The following SLCO4C1 variants were observed in gnomAD, a reference collection of about 807,000 sequenced individuals.
SLCO4C1 encodes the protein solute carrier organic anion transporter family member 4C1.
A neutral mutation model predicts 72.1 loss-of-function variants in SLCO4C1; 58 were observed. That is an observed-to-expected ratio of 0.80 (90% CI 0.65 to 1.00). The LOEUF is 1.00. SLCO4C1 is among the 50% of genes least tolerant of loss of function. SLCO4C1 has a pLI of 0.00. For missense variants in SLCO4C1, 898 were observed against 857.9 expected, an observed-to-expected ratio of 1.05 and a Z score of -0.58; for synonymous variants, 297 against 312.5, an observed-to-expected ratio of 0.95 and a Z score of 0.52.
intron 10 of SLCO4C1, 146 bp downstream of exon 10, chr5:102,247,106 G>A (rs2112342400): frequency 4.1e-6 from 2 of 485,836 alleles, no homozygotes; most frequent in Non-Finnish European, 6.9e-6. Context: ...AGAGGAGCTT[G>A]TCCAATGCCA....
intron 3 of SLCO4C1, among the ~76,000 whole-genome samples, chr5:102,265,752 C>T (rs769815868): frequency 9.9e-5 from 15 of 152,056 alleles, no homozygotes; most frequent in Admixed American, 1.3e-4. Flanking sequence ...GTGATGCTTT[C>T]GGTTTTGTTC....
At chr5:102,263,550 T>C (rs745979908) in intron 4 of SLCO4C1, 134 bp downstream of exon 4, 51 of 621,016 alleles carry the variant, frequency 8.2e-5, no homozygotes, top group Non-Finnish European at 1.2e-4. Flanking sequence ...TAAGAATTCT[T>C]TGTATTCAAT....
At chr5:102,290,707 G>T (rs545253684) in intron 2 of SLCO4C1, among the ~76,000 whole-genome samples, 2 of 152,116 alleles carry the variant, frequency 1.3e-5, no homozygotes, top group East Asian at 3.8e-4. Flanking sequence ...ACATTAAAAT[G>T]TTAAGGTCTA....
intron 2 of SLCO4C1, among the ~76,000 whole-genome samples, chr5:102,278,630 A>C (rs574930821): frequency 6.6e-6 from 1 of 152,214 alleles, no homozygotes; most frequent in African/African-American, 2.4e-5. Context: ...CAAATCCTAC[A>C]TAGTATGTTT....
intron 3 of SLCO4C1, among the ~76,000 whole-genome samples, chr5:102,269,321 A>G (rs1341444922): frequency 6.6e-6 from 1 of 150,836 alleles, no homozygotes; most frequent in African/African-American, 2.4e-5. Context: ...TGTATACTTA[A>G]TAGTGCCCAT....
At position 102,236,756 on chromosome 5, in the gene SLCO4C1, T is replaced by C. The variant is rs533380608; in HGVS notation, c.*102A>G. 1.6e-6 allele frequency: 2 copies of C among 1,212,142 alleles called. No homozygotes were observed. 75.1% of individuals were successfully genotyped at this position (1,212,142 alleles called of 1,614,324 possible). On this transcript the variant is annotated 3_prime_UTR_variant, in exon 13 of 13. Coordinates refer to ENST00000310954, the MANE Select transcript of SLCO4C1 (RefSeq NM_180991.5). ...ATTATAAAAACATCAATTTTGTAAATATGATTGTCCATATTGGATAGATAA... is the reference window on the plus strand; with the variant it reads ...ATTATAAAAACATCAATTTTGTAAACATGATTGTCCATATTGGATAGATAA...
At position 102,290,117 on chromosome 5, in the gene SLCO4C1, C is replaced by T. The variant is rs185169241; in HGVS notation, c.619+1226G>A. Among the ~76,000 whole-genome samples, 28 of 152,314 alleles carry T rather than the reference C, an allele frequency of 1.8e-4. No individual in the cohort carries two copies. In the East Asian group the frequency reaches 3.3e-3, roughly 18 times the overall value. On this transcript the variant is annotated intron_variant, in intron 2 of 12. Transcript: ENST00000310954. The stretch of plus-strand genomic sequence containing the variant: ...TGCCAGCACCTGCTTCTAGTGAGGG[C>T]CTCTAGCTGCTTCCACTCAGGGCAG...
Position 102,257,855 on chromosome 5 carries a change from G to A in SLCO4C1, c.1273+88C>T, listed in dbSNP as rs1276297713. 3 of 1,214,502 alleles carry A rather than the reference G, an allele frequency of 2.5e-6. No individual in the cohort carries two copies. In the African/African-American group the frequency reaches 4.8e-5, roughly 19 times the overall value. 75.2% of individuals were successfully genotyped at this position (1,214,502 alleles called of 1,614,324 possible). A position where few individuals can be genotyped will look rare whatever the true frequency, so the allele number is the denominator to read the frequency against. Reference sequence around the variant, plus strand: ...GGCTGGTTTTAGTTTAAATTTCAAGGAGGGCTACCTCAAATTATACACTAT... The same window carrying A: ...GGCTGGTTTTAGTTTAAATTTCAAGAAGGGCTACCTCAAATTATACACTAT... On this transcript the variant is annotated intron_variant, in intron 7 of 12. Coordinates refer to ENST00000310954, the MANE Select transcript of SLCO4C1 (RefSeq NM_180991.5).
chr5:102,257,333 A>G, intron 7 of SLCO4C1, 23 bp from the exon 8 acceptor site: 3 of 1,556,742 alleles, frequency 1.9e-6, no homozygotes, highest in Non-Finnish European at 2.6e-6. Flanking sequence ...AAGAATGTAG[A>G]TTGTGAGAAA....
At chr5:102,284,116 TGAA>T (rs1749405940) in intron 2 of SLCO4C1, among the ~76,000 whole-genome samples, 1 of 151,944 alleles carries the variant, frequency 6.6e-6, no homozygotes, top group Non-Finnish European at 1.5e-5. Flanking sequence ...AAAAATATGA[TGAA>T]GAAGAGAGAG....
chr5:102,291,208 A>G (rs1168717892), intron 2 of SLCO4C1, 135 bp downstream of exon 2: 10 of 896,466 alleles, frequency 1.1e-5, no homozygotes, highest in African/African-American at 3.4e-5. Flanking sequence ...AGTTCACACA[A>G]TGAACAAACC....
At position 102,249,874 on chromosome 5, in the gene SLCO4C1, G is replaced by A. The variant is rs1262909955; in HGVS notation, c.1470-86C>T. ...GAAGCACTGTTATATCTTACCATTA[G>A]GTCATTTATTCACTCACTCAACACA... On this transcript the variant is annotated intron_variant, in intron 8 of 12. Transcript: ENST00000310954. 4 of 1,337,512 alleles carry A rather than the reference G, an allele frequency of 3.0e-6. No homozygotes were observed. In the African/African-American group the frequency reaches 4.4e-5, roughly 15 times the overall value. 82.9% of individuals were successfully genotyped at this position (1,337,512 alleles called of 1,614,324 possible).
intron 2 of SLCO4C1, among the ~76,000 whole-genome samples, chr5:102,274,989 T>C (rs539992867): frequency 2.6e-5 from 4 of 152,050 alleles, no homozygotes; most frequent in Admixed American, 6.6e-5. Context: ...TACAGAAAGA[T>C]GTCATAAGAA....
intron 3 of SLCO4C1, among the ~76,000 whole-genome samples, chr5:102,266,481 C>A (rs1018448146): frequency 1.3e-5 from 2 of 152,054 alleles, no homozygotes; most frequent in African/African-American, 4.8e-5. Context: ...GAAACCCTGT[C>A]TCTACTAAAA....
At chr5:102,255,710 A>G (rs1352066205) in intron 8 of SLCO4C1, among the ~76,000 whole-genome samples, 1 of 152,108 alleles carries the variant, frequency 6.6e-6, no homozygotes, top group Non-Finnish European at 1.5e-5. Flanking sequence ...CCATTTCACT[A>G]TTATGCTGTG....
intron 3 of SLCO4C1, among the ~76,000 whole-genome samples, chr5:102,264,991 T>C (rs1749010182): frequency 6.6e-6 from 1 of 152,050 alleles, no homozygotes; most frequent in Non-Finnish European, 1.5e-5. Context: ...AGTATCCTGT[T>C]GTATATACAT....
At chr5:102,254,960 A>G (rs1748807787) in intron 8 of SLCO4C1, among the ~76,000 whole-genome samples, 1 of 152,132 alleles carries the variant, frequency 6.6e-6, no homozygotes, top group African/African-American at 2.4e-5. Flanking sequence ...CCTGTTTGTA[A>G]TATACACATT....
chr5:102,239,121 G>T, intron 12 of SLCO4C1, 130 bp downstream of exon 12: 2 of 691,618 alleles, frequency 2.9e-6, no homozygotes, highest in Admixed American at 3.8e-5. Context: ...GCTTCAGGAA[G>T]ACTACTGGAT....
chr5:102,291,337 A>G lies in SLCO4C1; in HGVS notation c.619+6T>C, dbSNP rs370537427. On this transcript the variant is annotated splice_donor_region_variant and intron_variant, in intron 2 of 12. Transcript: ENST00000310954. ...TAAAACAAACATAAACACAATAGAAACTTACCTTCAAAAAGAGACCCCAAT... is the reference window on the plus strand; with the variant it reads ...TAAAACAAACATAAACACAATAGAAGCTTACCTTCAAAAAGAGACCCCAAT... 1.9e-6 allele frequency: 3 copies of G among 1,609,752 alleles called. No individual in the cohort carries two copies. Among genetic ancestry groups the G allele is most frequent in the Non-Finnish European group, 2.5e-6 (3 of 1,178,876 alleles).
Sources: allele counts gnomAD v4.1 joint callset (sites outside exome capture counted in the v4.1 genomes callset), GRCh38; gene constraint gnomAD v4.1.1; transcripts MANE v1.5; gene names NCBI Gene and HGNC (gene_info 2026-07-23, HGNC 2026-07-21).